The following ASPDH variants were observed in gnomAD, a reference collection of about 807,000 sequenced individuals.
ASPDH encodes the protein aspartate dehydrogenase domain containing.
In ASPDH, 25 loss-of-function variants were observed where a neutral mutation model predicts 30.5. That is an observed-to-expected ratio of 0.82 (90% CI 0.60 to 1.14). The LOEUF is 1.14. Ranked by LOEUF, ASPDH falls within the 50% of genes most tolerant of loss-of-function variation. ASPDH has a pLI of 0.00. For missense variants in ASPDH, 401 were observed against 381.5 expected (o/e 1.05, Z -0.43); for synonymous variants, 168 against 156.3 (o/e 1.07, Z -0.56).
At position 50,512,194 on chromosome 19, in the gene ASPDH, G is replaced by T. The variant is rs201719975; in HGVS notation, c.750C>A (p.Ala250=). 2.5e-6 allele frequency: 4 copies of T among 1,606,534 alleles called. No homozygotes were observed. The highest frequency in any genetic ancestry group is 2.7e-5 in the African/African-American group (2 of 74,950). The part of the protein sequence containing the change: ...FAVHTRRENP[A]EPGAVTGSAT... The stretch of plus-strand genomic sequence containing the variant: ...CGGAGCCGGTGACCGCGCCTGGCTC[G>T]GCAGGGTTCTCTCTGCGGGTGTGCA... Residue 250 remains alanine (A), a synonymous_variant, in exon 6 of 7, where the codon GCC becomes GCA. Coordinates refer to ENST00000389208, the MANE Select transcript of ASPDH (RefSeq NM_001114598.2).
intron 6 of ASPDH, 23 bp from the exon 7 acceptor site, chr19:50,511,796 G>A (rs1403866862): frequency 5.4e-6 from 7 of 1,300,080 alleles, no homozygotes; most frequent in Middle Eastern, 2.0e-4. Context: ...GGGAATGAGC[G>A]AATGAGACAG....
chr19:50,513,963 G>C (rs1317947623), upstream of ASPDH: 30 of 1,055,378 alleles, frequency 2.8e-5, no homozygotes, highest in Non-Finnish European at 3.9e-5. This position sits in a 1 kb window ranked among gnomAD's most constrained non-coding sequence, Gnocchi z 4.9. Context: ...CAGGCCCAGC[G>C]TGGGGGCGTG....
intron 6 of ASPDH, 134 bp downstream of exon 6, chr19:50,512,002 A>C: frequency 1.2e-6 from 1 of 827,258 alleles, no homozygotes; most frequent in Non-Finnish European, 1.8e-6. Flanking sequence ...GAGAGAGGTT[A>C]AGGAAATAAA....
At position 50,512,384 on chromosome 19, in the gene ASPDH, A is replaced by G. The variant is rs780063308; in HGVS notation, c.629T>C (p.Ile210Thr). ...AAPSLGFDGV[I>T]GVLVADTSLT... is the part of the protein sequence containing the mutation. The stretch of plus-strand genomic sequence containing the variant: ...CCTGGTATCAGCCACGAGCACCCCA[A>G]TCACCCCATCGAAGCCCAGGCTGGG... The change falls in exon 5 of 7, where the codon ATT (isoleucine) becomes ACT (threonine). Residue 210 changes from isoleucine (I) to threonine (T), a missense_variant. Ile to Thr is a moderately conservative substitution (Grantham distance 89, BLOSUM62 -1). Transcript: ENST00000389208. 6 of 1,613,778 alleles carry G rather than the reference A, an allele frequency of 3.7e-6. No individual in the cohort carries two copies. Among genetic ancestry groups the G allele is most frequent in the Admixed American group, 3.3e-5 (2 of 60,014 alleles).
rs1345735088 is a variant in ASPDH, at chr19:50,513,758, G to A, written c.52+14C>T. The A allele has an allele frequency of 1.0e-5, 16 of 1,533,024 alleles. No homozygotes were observed. In the South Asian group the frequency reaches 1.4e-4, roughly 14 times the overall value. The allele number at this position is 1,533,024 out of a possible 1,614,324, so 95.0% of individuals were successfully genotyped here. A position where few individuals can be genotyped will look rare whatever the true frequency, so the allele number is the denominator to read the frequency against. ...GGGTTTGGGGAAGGAGGCCAAGGAT[G>A]GTCAGGGACTCACCGAGGCGGCCAT... On this transcript the variant is annotated intron_variant, in intron 1 of 6. Coordinates refer to ENST00000389208, the MANE Select transcript of ASPDH (RefSeq NM_001114598.2). The surrounding 1 kb of genome is among the most constrained non-coding windows in gnomAD (Gnocchi z 4.9).
At chr19:50,511,850 A>C in intron 6 of ASPDH, 77 bp from the exon 7 acceptor site, 3 of 458,660 alleles carry the variant, frequency 6.5e-6, no homozygotes, top group Non-Finnish European at 9.7e-6. Flanking sequence ...CAGTGGTGGG[A>C]GGAGGGGACA....
chr19:50,512,624 G>C (rs770782351), intron 4 of ASPDH, 37 bp downstream of exon 4: 1 of 1,509,192 alleles, frequency 6.6e-7, no homozygotes, highest in Non-Finnish European at 8.9e-7. Flanking sequence ...GTCTTTGCAG[G>C]CCTCCCCTGG....
intron 6 of ASPDH, 177 bp from the exon 7 acceptor site, chr19:50,511,950 G>GCACAGAGACTCAGGGGACGCTGA: frequency 1.5e-6 from 1 of 665,098 alleles, no homozygotes; most frequent in Non-Finnish European, 2.5e-6. Context: ...TCAGAGGCGG[G>GCACAGAGACTCAGGGGACGCTGA]CACAAATGGA....
chr19:50,515,048 G>A (rs1004551702), upstream of ASPDH: 19 of 985,166 alleles, frequency 1.9e-5, no homozygotes, highest in Admixed American at 6.1e-5. Context: ...GGGGCCTCCC[G>A]CCATCTCTAC....
rs1379338101 is a variant in ASPDH, at chr19:50,512,956, C to G, written c.253G>C (p.Ala85Pro). ...AGATTGGCATGGCGCAGGATTTGTG[C>G]CCCAGATTCATGGATTATTTTGGGA... The part of the protein sequence containing the change: ...AHPKIIHESG[A>P]QILRHANLLV... The change falls in exon 3 of 7, where the codon GCA (alanine) becomes CCA (proline). Residue 85 changes from alanine (A) to proline (P), a missense_variant. Ala to Pro is a conservative substitution (Grantham distance 27, BLOSUM62 -1). Transcript: ENST00000389208. 1 of 1,613,418 alleles carries G rather than the reference C, an allele frequency of 6.2e-7. No individual in the cohort carries two copies. The highest frequency in any genetic ancestry group is 1.7e-5 in the Admixed American group (1 of 59,928).
chr19:50,515,011 C>T (rs1178959935), upstream of ASPDH: 2 of 985,284 alleles, frequency 2.0e-6, no homozygotes, highest in Non-Finnish European at 2.4e-6. Flanking sequence ...AGGAAGGGGG[C>T]AGGGGCCAGG....
Position 50,513,363 on chromosome 19 carries a change from G to A in ASPDH, c.106C>T (p.Leu36Phe). 1 of 1,542,334 alleles carries A rather than the reference G, an allele frequency of 6.5e-7. No individual in the cohort carries two copies. Among genetic ancestry groups the A allele is most frequent in the South Asian group, 1.2e-5 (1 of 82,548 alleles). The change falls in exon 2 of 7, where the codon CTT becomes TTT. Residue 36 changes from leucine to phenylalanine, a missense_variant. By Grantham distance (22) the Leu-to-Phe change is conservative (BLOSUM62 0). Coordinates refer to ENST00000389208, the MANE Select transcript of ASPDH (RefSeq NM_001114598.2). The surrounding 1 kb of genome is among the most constrained non-coding windows in gnomAD (Gnocchi z 4.9). ...GGGTCACGATTCCAGACAAAAACAA[G>A]TTCTAGGCCAAGTTCTGGTCCCTGA... ...LAQGPELGLELVFVWNRDPGR... is the reference protein window; with the variant it reads ...LAQGPELGLEFVFVWNRDPGR...
chr19:50,514,035 G>A, upstream of ASPDH: 2 of 618,330 alleles, frequency 3.2e-6, no homozygotes, highest in Non-Finnish European at 5.6e-6. Context: ...CCCGGGTCCA[G>A]CACAGTGAGC....
chr19:50,512,234 C>A lies in ASPDH; in HGVS notation c.710G>T (p.Gly237Val). 6.2e-7 allele frequency: 1 copy of A among 1,612,234 alleles called. No homozygotes were observed. The highest frequency in any genetic ancestry group is 8.5e-7 in the Non-Finnish European group (1 of 1,179,592). ...VELSGPRGPTGRSFAVHTRRE... is the reference protein window; with the variant it reads ...VELSGPRGPTVRSFAVHTRRE... Reference sequence around the variant, plus strand: ...GCGGGTGTGCACAGCAAAGCTTCGGCCCGTGGGGCCCCGGGGTCCGCTCAG... The same window carrying A: ...GCGGGTGTGCACAGCAAAGCTTCGGACCGTGGGGCCCCGGGGTCCGCTCAG... The change falls in exon 6 of 7, where the codon GGC (glycine) becomes GTC (valine). Residue 237 changes from glycine (G) to valine (V), a missense_variant. Transcript: ENST00000389208.
Position 50,513,139 on chromosome 19 carries a change from G to T in ASPDH, c.198-128C>A. On this transcript the variant is annotated intron_variant, in intron 2 of 6. Transcript: ENST00000389208. This position sits in a 1 kb window ranked among gnomAD's most constrained non-coding sequence, Gnocchi z 4.9. ...CCTGGGAGGCGAAATGAGATGAATG[G>T]GTTCGTCCTGTTTCACATTTGCTTG... The T allele has an allele frequency of 8.0e-7, 1 of 1,242,760 alleles. No homozygotes were observed. Among genetic ancestry groups the T allele is most frequent in the Non-Finnish European group, 1.1e-6 (1 of 900,360 alleles). 77.0% of individuals were successfully genotyped at this position (1,242,760 alleles called of 1,614,324 possible). A position where few individuals can be genotyped will look rare whatever the true frequency, so the allele number is the denominator to read the frequency against.
intron 6 of ASPDH, 69 bp downstream of exon 6, chr19:50,512,067 A>G: frequency 1.5e-6 from 2 of 1,332,860 alleles, no homozygotes; most frequent in Non-Finnish European, 2.0e-6. Flanking sequence ...AGAACTAGTG[A>G]GAGCCCGGGA....
Position 50,513,374 on chromosome 19 carries a change from A to C in ASPDH, c.95T>G (p.Leu32Arg). The change falls in exon 2 of 7, where the codon CTT (leucine) becomes CGT (arginine). Residue 32 changes from leucine to arginine, a missense_variant. Physicochemically the swap from Leu to Arg is moderately radical, Grantham distance 102. Coordinates refer to ENST00000389208, the MANE Select transcript of ASPDH (RefSeq NM_001114598.2). This position sits in a 1 kb window ranked among gnomAD's most constrained non-coding sequence, Gnocchi z 4.9. ...VSRLLAQGPE[L>R]GLELVFVWNR... Reference sequence around the variant, plus strand: ...CCAGACAAAAACAAGTTCTAGGCCAAGTTCTGGTCCCTGAGCCAAGAGGCG... The same window carrying C: ...CCAGACAAAAACAAGTTCTAGGCCACGTTCTGGTCCCTGAGCCAAGAGGCG... The C allele has an allele frequency of 1.9e-6, 3 of 1,538,474 alleles. No homozygotes were observed. The highest frequency in any genetic ancestry group is 2.6e-6 in the Non-Finnish European group (3 of 1,141,216).
At chr19:50,513,939 T>C (rs1226899496), upstream of ASPDH, 10 of 1,300,590 alleles carry the variant, frequency 7.7e-6, no homozygotes, top group Middle Eastern at 2.8e-4. The surrounding 1 kb of genome is among the most constrained non-coding windows in gnomAD (Gnocchi z 4.9). Context: ...GGGCTCAGTC[T>C]TCCCCCTTCC....
rs1199642059 is a variant in ASPDH at position 50,513,422 on chromosome 19, G to GAGAGGGA, written c.53-13_53-7dup. 7.4e-6 allele frequency: 11 copies of GAGAGGGA among 1,485,968 alleles called. No individual in the cohort carries two copies. The African/African-American group carries it at 1.6e-4, about 21-fold the overall frequency. The allele number at this position is 1,485,968 out of a possible 1,614,324, so 92.0% of individuals were successfully genotyped here. On this transcript the variant is annotated splice_polypyrimidine_tract_variant and splice_region_variant and intron_variant, in intron 1 of 6. Transcript: ENST00000389208. The surrounding 1 kb of genome is among the most constrained non-coding windows in gnomAD (Gnocchi z 4.9). ...GCGGGAGACGAGGGACTGTCCTGGG[G>GAGAGGGA]AGAGGGAAAGGAGAGGGCTAGAGAT...
Sources: gnomAD v4.1 joint callset for allele counts on GRCh38, gnomAD v4.1.1 for gene constraint, Gnocchi (gnomAD v3.1) non-coding constraint, MANE v1.5 for transcripts, NCBI Gene and HGNC (gene_info 2026-07-23, HGNC 2026-07-21) for gene names.